EPHA1: variants seen among roughly 807,000 people sequenced by gnomAD.
EPHA1 encodes ephrin type-A receptor 1.
Under a neutral mutation model 110.1 loss-of-function variants are expected in EPHA1, and 92 were observed. That is an observed-to-expected ratio of 0.84 (90% CI 0.71 to 0.99). The LOEUF is 0.99. Ranked by LOEUF, EPHA1 falls within the 50% of genes least tolerant of loss-of-function variation. The probability of loss-of-function intolerance (pLI) is 0.00; values close to 1 mark genes in which losing one functional copy is unlikely to be tolerated. For missense variants in EPHA1, 1,204 were observed against 1,285.4 expected, an observed-to-expected ratio of 0.94 and a Z score of 0.97; for synonymous variants, 500 against 516.1, an observed-to-expected ratio of 0.97 and a Z score of 0.42.
In EPHA1 at chr7:143,394,357, T is replaced by A. The variant is rs770093729; in HGVS notation, c.2353-14A>T. 1 of 1,612,472 alleles carries A rather than the reference T, an allele frequency of 6.2e-7. No individual in the cohort carries two copies. The highest frequency in any genetic ancestry group is 1.1e-5 in the South Asian group (1 of 91,010). On this transcript the variant is annotated splice_polypyrimidine_tract_variant and intron_variant, in intron 14 of 17. Transcript: ENST00000275815. ...GATCTTTCCTCCCTAAGAAGGCACA[T>A]GGGTCAGGGACGGAAAGTTATGGTG...
intron 17 of EPHA1, 27 bp downstream of exon 17, chr7:143,391,593 C>T: frequency 3.7e-6 from 6 of 1,614,180 alleles, no homozygotes; most frequent in Non-Finnish European, 5.1e-6. Context: ...GCAGCCCTCC[C>T]CTGCCCAGAC....
Position 143,401,561 on chromosome 7 carries a change from C to T in EPHA1, c.195G>A (p.Met65Ile), listed in dbSNP as rs1319809963. ...GTCCTTGCATTGGGCAGTCCTGGTA[C>T]ATGTACAGGGGTGTCCCATTCAGTA... ...QQILNGTPLY[M>I]YQDCPMQGRR... Residue 65 changes from methionine (M) to isoleucine (I), a missense_variant, in exon 3 of 18, where the codon ATG becomes ATA. Transcript: ENST00000275815. The surrounding 1 kb of genome is among the most constrained non-coding windows in gnomAD (Gnocchi z 4.1). The T allele has an allele frequency of 6.2e-7, 1 of 1,614,174 alleles. No homozygotes were observed. Among genetic ancestry groups the T allele is most frequent in the South Asian group, 1.1e-5 (1 of 91,084 alleles).
chr7:143,391,737 C>T lies in EPHA1; in HGVS notation c.2735G>A (p.Gly912Glu). 1 of 1,613,922 alleles carries T rather than the reference C, an allele frequency of 6.2e-7. No individual in the cohort carries two copies. The highest frequency in any genetic ancestry group is 8.5e-7 in the Non-Finnish European group (1 of 1,180,026). The change falls in exon 17 of 18, where the codon GGG becomes GAG. Residue 912 changes from glycine to glutamate, a missense_variant. Transcript: ENST00000275815. ...CTCAGAGACGGTTCGATATGGGATC[C>T]CATCTGAGCCACTCAGGCTGGGCAG... Reference protein sequence around the residue: ...LRLPSLSGSDGIPYRTVSEWL... With the variant: ...LRLPSLSGSDEIPYRTVSEWL...
chr7:143,407,768 G>A (rs1163714805), intron 1 of EPHA1, 90 bp from the exon 2 acceptor site: 14 of 1,169,568 alleles, frequency 1.2e-5, no homozygotes, highest in Non-Finnish European at 1.7e-5. Context: ...TCAGCCCCAG[G>A]CTGCAACATC....
rs1805402450 is a variant in EPHA1 at position 143,401,135 on chromosome 7, T to G, written c.432+189A>C. The G allele has an allele frequency of 1.8e-5, 13 of 716,026 alleles. No individual in the cohort carries two copies. In the South Asian group the frequency reaches 2.5e-4, roughly 14 times the overall value. The allele number at this position is 716,026 out of a possible 1,614,324, so 44.4% of individuals were successfully genotyped here. ...CTCAAGCTCCTGGCCTCAAGTGATC[T>G]TCCCACATCGGTTTCCCAAAGCACT... On this transcript the variant is annotated intron_variant, in intron 3 of 17. Transcript: ENST00000275815. This position sits in a 1 kb window ranked among gnomAD's most constrained non-coding sequence, Gnocchi z 4.1.
chr7:143,397,914 C>A lies in EPHA1; in HGVS notation c.1615+6G>T, dbSNP rs767968483. 9.9e-6 allele frequency: 16 copies of A among 1,613,540 alleles called. No homozygotes were observed. The highest frequency in any genetic ancestry group is 4.0e-5 in the African/African-American group (3 of 74,912). ...GTGTGTTGGGGCAGAGCACAAGATACCCCACCTGGTGGGCTGGTCCGAAAC... is the reference window on the plus strand; with the variant it reads ...GTGTGTTGGGGCAGAGCACAAGATAACCCACCTGGTGGGCTGGTCCGAAAC... On this transcript the variant is annotated splice_donor_region_variant and intron_variant, in intron 8 of 17. Coordinates refer to ENST00000275815, the MANE Select transcript of EPHA1 (RefSeq NM_005232.5).
chr7:143,392,398 CAA>C (rs1805113188), intron 16 of EPHA1, among the ~76,000 whole-genome samples: 1 of 152,140 alleles, frequency 6.6e-6, no homozygotes, highest in Non-Finnish European at 1.5e-5. Context: ...AGTTGCGCTC[CAA>C]AAGATAGTTT....
In EPHA1 at chr7:143,398,782, G is replaced by T. The variant is rs370225390; in HGVS notation, c.1155C>A (p.Pro385=). 6.2e-7 allele frequency: 1 copy of T among 1,613,656 alleles called. No homozygotes were observed. Among genetic ancestry groups the T allele is most frequent in the African/African-American group, 1.3e-5 (1 of 74,928 alleles). The part of the protein sequence containing the change: ...GTAQDGGPCQ[P]CGVGVHFSPG... ...GCGAGAAGTGCACGCCCACCCCACA[G>T]GGCTGGCAGGGCCCCCCGTCCTGTG... The change falls in exon 6 of 18, where the codon CCC becomes CCA. Residue 385 remains proline, a synonymous_variant. Coordinates refer to ENST00000275815, the MANE Select transcript of EPHA1 (RefSeq NM_005232.5).
chr7:143,394,909 C>A lies in EPHA1; in HGVS notation c.2251G>T (p.Ala751Ser). 1 of 1,614,146 alleles carries A rather than the reference C, an allele frequency of 6.2e-7. No individual in the cohort carries two copies. The highest frequency in any genetic ancestry group is 1.1e-5 in the South Asian group (1 of 91,078). The change falls in exon 14 of 18, where the codon GCT becomes TCT. Residue 751 changes from alanine (A) to serine (S), a missense_variant. Physicochemically the swap from Ala to Ser is moderately conservative, Grantham distance 99 (BLOSUM62 1). Transcript: ENST00000275815. ...TGATTCACCAAGATGTTTCTGGCAG[C>A]CAGGTCCCGGTGGACATAATTGTGA... ...SNHNYVHRDL[A>S]ARNILVNQNL...
chr7:143,396,640 G>T, intron 10 of EPHA1, 130 bp from the exon 11 acceptor site: 1 of 1,148,776 alleles, frequency 8.7e-7, no homozygotes. Flanking sequence ...TCCTGTTTGG[G>T]CTGAGGTGGG....
In EPHA1 at chr7:143,395,325, T is replaced by C; in HGVS notation, c.2077A>G (p.Thr693Ala). The change falls in exon 12 of 18, where the codon ACA becomes GCA. Residue 693 changes from threonine to alanine, a missense_variant. Physicochemically the swap from Thr to Ala is moderately conservative, Grantham distance 58. Coordinates refer to ENST00000275815, the MANE Select transcript of EPHA1 (RefSeq NM_005232.5). This position sits in a 1 kb window ranked among gnomAD's most constrained non-coding sequence, Gnocchi z 4.7. The stretch of plus-strand genomic sequence containing the variant: ...GGGAGACCACTCATCGTACGCTTTG[T>C]GACGACGCCTTCCAGATGCAGAATA... Reference protein sequence around the residue: ...PHILHLEGVVTKRKPIMIITE... With the variant: ...PHILHLEGVVAKRKPIMIITE... The C allele has an allele frequency of 1.2e-6, 2 of 1,614,210 alleles. No individual in the cohort carries two copies. Among genetic ancestry groups the C allele is most frequent in the Non-Finnish European group, 1.7e-6 (2 of 1,180,034 alleles).
At position 143,404,276 on chromosome 7, in the gene EPHA1, G is replaced by A. The variant is rs1033464969; in HGVS notation, c.151-2671C>T. On this transcript the variant is annotated intron_variant, in intron 2 of 17. Coordinates refer to ENST00000275815, the MANE Select transcript of EPHA1 (RefSeq NM_005232.5). ...CTATTGCCCAGGCTAGAGTGCAGTG[G>A]TGCGATCTTGGCTCACTGCAAGCTC... 4.0e-5 allele frequency among the ~76,000 whole-genome samples: 6 copies of A among 150,930 alleles called. No individual in the cohort carries two copies. In the East Asian group the frequency reaches 1.2e-3, roughly 29 times the overall value.
chr7:143,396,301 A>C, intron 11 of EPHA1, 84 bp downstream of exon 11: 4 of 1,516,092 alleles, frequency 2.6e-6, no homozygotes, highest in Non-Finnish European at 3.5e-6. Context: ...CTGCCCAGGG[A>C]AGCGCTGGAA....
chr7:143,396,379 A>G lies in EPHA1; in HGVS notation c.1897+6T>C, dbSNP rs756119765. 9.1e-5 allele frequency: 146 copies of G among 1,610,708 alleles called. No homozygotes were observed. Among genetic ancestry groups the G allele is most frequent in the Middle Eastern group, 4.0e-4 (2 of 4,988 alleles). On this transcript the variant is annotated splice_donor_region_variant and intron_variant, in intron 11 of 17. Coordinates refer to ENST00000275815, the MANE Select transcript of EPHA1 (RefSeq NM_005232.5). ...GGGGCCTGCTGCGGTGCACAGCAGG[A>G]CTCACCTTCTCCTATGACAGTGTCC...
chr7:143,391,426 A>T lies in EPHA1; in HGVS notation c.*31T>A, dbSNP rs746016391. The stretch of plus-strand genomic sequence containing the variant: ...CCTTGGCCCCGTCCTTGCTCCTTGC[A>T]CCCTGATTGGGCATGGGGTGAGAGG... On this transcript the variant is annotated 3_prime_UTR_variant, in exon 18 of 18. Transcript: ENST00000275815. 3 of 1,613,208 alleles carry T rather than the reference A, an allele frequency of 1.9e-6. No homozygotes were observed. The African/African-American group carries it at 4.0e-5, about 22-fold the overall frequency.
In EPHA1 at chr7:143,399,790, C is replaced by T. The variant is rs763065448; in HGVS notation, c.696G>A (p.Leu232=). The T allele has an allele frequency of 1.9e-5, 30 of 1,592,216 alleles. No homozygotes were observed. The South Asian group carries it at 3.4e-4, about 18-fold the overall frequency. Reference sequence around the variant, plus strand: ...GCCTGGGGCTGGCCCGCGCGTGGGGCAAGCAGGTCCCCGCCACTTCCACCA... The same window carrying T: ...GCCTGGGGCTGGCCCGCGCGTGGGGTAAGCAGGTCCCCGCCACTTCCACCA... ...AGLVEVAGTC[L]PHARASPRPS... The change falls in exon 4 of 18, where the codon TTG becomes TTA. Residue 232 remains leucine (L), a synonymous_variant. Transcript: ENST00000275815.
At position 143,401,226 on chromosome 7, in the gene EPHA1, C is replaced by T. The variant is rs750384718; in HGVS notation, c.432+98G>A. The T allele has an allele frequency of 3.0e-5, 44 of 1,470,166 alleles. No homozygotes were observed. The South Asian group carries it at 5.2e-4, about 17-fold the overall frequency. The allele number at this position is 1,470,166 out of a possible 1,614,324, so 91.1% of individuals were successfully genotyped here. A position where few individuals can be genotyped will look rare whatever the true frequency, so the allele number is the denominator to read the frequency against. ...CCAAATTCTTTTCAAGATTCTACCT[C>T]TGCACCCTCTTCCTGTCTCTGCAAC... is the stretch of plus-strand genomic sequence containing the variant. On this transcript the variant is annotated intron_variant, in intron 3 of 17. Transcript: ENST00000275815. The surrounding 1 kb of genome is among the most constrained non-coding windows in gnomAD (Gnocchi z 4.1).
intron 10 of EPHA1, 53 bp downstream of exon 10, chr7:143,397,249 GCA>G (rs1460792180): frequency 2.7e-6 from 4 of 1,506,842 alleles, no homozygotes; most frequent in East Asian, 2.5e-5. Flanking sequence ...ACACACACAC[GCA>G]CACACAGGTG....
In EPHA1 at chr7:143,391,198, T is replaced by A; in HGVS notation, c.*259A>T. The A allele has an allele frequency of 2.2e-6, 1 of 448,700 alleles. No individual in the cohort carries two copies. Among genetic ancestry groups the A allele is most frequent in the Admixed American group, 3.9e-5 (1 of 25,632 alleles). 27.8% of individuals were successfully genotyped at this position (448,700 alleles called of 1,614,324 possible). On this transcript the variant is annotated 3_prime_UTR_variant, in exon 18 of 18. Transcript: ENST00000275815. ...ATCAGTTCCTGTTTATTTACAAAAATATATATATGTGTATGTATGTATATA... is the reference window on the plus strand; with the variant it reads ...ATCAGTTCCTGTTTATTTACAAAAAAATATATATGTGTATGTATGTATATA...
Sources: gnomAD v4.1 joint callset for allele counts (sites outside exome capture counted in the v4.1 genomes callset) on GRCh38, gnomAD v4.1.1 for gene constraint, Gnocchi (gnomAD v3.1) non-coding constraint, MANE v1.5 for transcripts, NCBI Gene and HGNC (gene_info 2026-07-23, HGNC 2026-07-21) for gene names.